Variants in MKRN2OS observed in about 807,000 individuals in gnomAD.
MKRN2OS encodes MKRN2 opposite strand.
MKRN2OS carries 17 observed loss-of-function variants against 18.2 expected under a neutral mutation model. That is an observed-to-expected ratio of 0.93 (90% CI 0.64 to 1.40). The LOEUF (loss-of-function observed/expected upper bound fraction) is 1.40. Among genes scored for constraint, MKRN2OS ranks in the 40% most tolerant of loss-of-function variants. The pLI is 0.00. For synonymous variants in MKRN2OS, 121 were observed against 108.5 expected, an observed-to-expected ratio of 1.12 and a Z score of -0.72; for missense variants, 337 against 283.0, an observed-to-expected ratio of 1.19 and a Z score of -1.37.
intron 1 of MKRN2OS, among the ~76,000 whole-genome samples, chr3:12,558,397 A>C (rs1258782231): frequency 6.6e-6 from 1 of 152,156 alleles, no homozygotes; most frequent in Non-Finnish European, 1.5e-5. Context: ...CTGCTGGAGG[A>C]AGTATTCCTA....
intron 1 of MKRN2OS, among the ~76,000 whole-genome samples, chr3:12,544,671 CTCTG>C: frequency 7.8e-6 from 1 of 127,598 alleles, no homozygotes; most frequent in East Asian, 2.0e-4. Flanking sequence ...AAGAGCGAAA[CTCTG>C]TCTCGGGGAA....
chr3:12,548,196 C>G (rs1175807702), upstream of MKRN2OS, among the ~76,000 whole-genome samples: 2 of 152,102 alleles, frequency 1.3e-5, no homozygotes, highest in African/African-American at 4.8e-5. Context: ...CGCCTGTAAC[C>G]CCAGCACTTT....
At chr3:12,542,709 C>T (rs2057830896) in intron 2 of MKRN2OS, among the ~76,000 whole-genome samples, 1 of 97,660 alleles carries the variant, frequency 1.0e-5, no homozygotes, top group African/African-American at 5.7e-5. Flanking sequence ...CTTCACTTTC[C>T]TTAAAAAAAA....
intron 1 of MKRN2OS, among the ~76,000 whole-genome samples, chr3:12,555,083 G>T (rs2057956920): frequency 6.6e-6 from 1 of 152,238 alleles, no homozygotes; most frequent in Admixed American, 6.5e-5. Flanking sequence ...GCCGAGGCGG[G>T]TGGATTGCCT....
At chr3:12,545,158 C>T (rs1234091397) in intron 1 of MKRN2OS, 89 bp downstream of exon 1, 9 of 1,072,148 alleles carry the variant, frequency 8.4e-6, no homozygotes, top group African/African-American at 1.6e-5. Flanking sequence ...AAACCTCACA[C>T]ATTATGTATT....
intron 1 of MKRN2OS, among the ~76,000 whole-genome samples, chr3:12,559,360 T>C (rs1251020285): frequency 6.6e-6 from 1 of 152,228 alleles, no homozygotes; most frequent in African/African-American, 2.4e-5. Flanking sequence ...TGATAATTTA[T>C]AGGAAATGTT....
intron 1 of MKRN2OS, among the ~76,000 whole-genome samples, chr3:12,557,540 C>G (rs1575512968): frequency 6.6e-6 from 1 of 152,196 alleles, no homozygotes; most frequent in East Asian, 1.9e-4. Flanking sequence ...AGTAAAGGGA[C>G]GCCGAGAGGA....
At chr3:12,549,916 G>A (rs1284079749), upstream of MKRN2OS, among the ~76,000 whole-genome samples, 1 of 152,138 alleles carries the variant, frequency 6.6e-6, no homozygotes, top group East Asian at 1.9e-4. Flanking sequence ...TCACCTAGTA[G>A]AATGGCTAAA....
chr3:12,552,048 G>A (rs974251491), downstream of MKRN2OS, among the ~76,000 whole-genome samples: 5 of 150,638 alleles, frequency 3.3e-5, no homozygotes, highest in Admixed American at 2.0e-4. Context: ...GGCTGGGCAC[G>A]GTGGCTCACG....
chr3:12,541,466 G>A (rs1041808577), intron 3 of MKRN2OS, among the ~76,000 whole-genome samples: 16 of 152,110 alleles, frequency 1.1e-4, no homozygotes, highest in African/African-American at 3.9e-4. Flanking sequence ...TGATCTACCT[G>A]CCTCAGTCTC....
intron 1 of MKRN2OS, among the ~76,000 whole-genome samples, chr3:12,557,394 G>A (rs1453108805): frequency 2.6e-5 from 4 of 152,254 alleles, no homozygotes; most frequent in African/African-American, 9.6e-5. Flanking sequence ...CCAGCGCGGG[G>A]GGCTACGCCC....
At chr3:12,557,047 C>CGGCGTGCGCT in intron 1 of MKRN2OS, 1 of 1,265,088 alleles carries the variant, frequency 7.9e-7, no homozygotes, top group Non-Finnish European at 1.0e-6. Flanking sequence ...CGGCGTGCGC[C>CGGCGTGCGCT]GGCGTGACGC....
chr3:12,554,479 A>AAT (rs1200106717), intron 1 of MKRN2OS, among the ~76,000 whole-genome samples: 7 of 109,478 alleles, frequency 6.4e-5, no homozygotes, highest in African/African-American at 2.4e-4. Context: ...ATATATATGA[A>AAT]ATATATGAAA....
downstream of MKRN2OS, among the ~76,000 whole-genome samples, chr3:12,551,359 A>T (rs1008724127): frequency 2.0e-5 from 3 of 151,750 alleles, no homozygotes; most frequent in Non-Finnish European, 2.9e-5. Flanking sequence ...CCCGGGTGTG[A>T]TGGTACGCAC....
At chr3:12,549,077 G>A (rs2057909280), upstream of MKRN2OS, among the ~76,000 whole-genome samples, 1 of 152,180 alleles carries the variant, frequency 6.6e-6, no homozygotes, top group South Asian at 2.1e-4. Flanking sequence ...TGAGACTACA[G>A]GCACCCACCA....
chr3:12,540,359 C>T lies in MKRN2OS; in HGVS notation c.506G>A (p.Arg169Lys), dbSNP rs1228972851. The change falls in exon 4 of 4, where the codon AGA (arginine) becomes AAA (lysine). Residue 169 changes from arginine to lysine, a missense_variant. By Grantham distance (26) the Arg-to-Lys change is conservative. Coordinates refer to ENST00000564146, the MANE Select transcript of MKRN2OS (RefSeq NM_001195279.2). ...AAATTCACCCTTGTCCAGTTGCTGT[C>T]TACCTTCTGCCATCAGAACGCAGTT... The part of the protein sequence containing the change: ...FINCVLMAEG[R>K]QQLDKGEFTE... The T allele has an allele frequency of 2.3e-5, 36 of 1,536,036 alleles. No homozygotes were observed. In the Admixed American group the frequency reaches 7.1e-4, roughly 30 times the overall value.
upstream of MKRN2OS, among the ~76,000 whole-genome samples, chr3:12,549,021 A>G (rs554014961): frequency 6.6e-6 from 1 of 151,988 alleles, no homozygotes; most frequent in Non-Finnish European, 1.5e-5. Context: ...TGCAACCTCC[A>G]CCTCCCAGGT....
upstream of MKRN2OS, chr3:12,545,624 A>G (rs1203064652): frequency 1.9e-6 from 1 of 531,454 alleles, no homozygotes; most frequent in Non-Finnish European, 3.3e-6. Flanking sequence ...ACCAGTAGCC[A>G]GGCCTCCCCA....
downstream of MKRN2OS, among the ~76,000 whole-genome samples, chr3:12,553,067 G>A (rs1366421376): frequency 6.7e-6 from 1 of 149,296 alleles, no homozygotes; most frequent in Non-Finnish European, 1.5e-5. Context: ...TGCAGGCTGA[G>A]ATGGCTTCCA....
Sources: gnomAD v4.1 joint callset for allele counts (sites outside exome capture counted in the v4.1 genomes callset) on GRCh38, gnomAD v4.1.1 for gene constraint, MANE v1.5 for transcripts, NCBI Gene and HGNC (gene_info 2026-07-23, HGNC 2026-07-21) for gene names.